The following DAB1 variants were observed in gnomAD, a reference collection of about 807,000 sequenced individuals.
DAB1 encodes the protein disabled homolog 1.
In DAB1, 15 loss-of-function variants were observed where a neutral mutation model predicts 64.6. That is an observed-to-expected ratio of 0.23 (90% CI 0.16 to 0.36). DAB1 has a LOEUF of 0.36. Among genes scored for constraint, DAB1 ranks in the 10% least tolerant of loss-of-function variants. The pLI is 1.00. For missense variants in DAB1, 596 were observed against 706.7 expected (o/e 0.84, Z 1.78); for synonymous variants, 235 against 251.9 (o/e 0.93, Z 0.64).
chr1:57,624,473 G>A (rs901963578), intron 7 of DAB1, among the ~76,000 whole-genome samples: 4 of 152,182 alleles, frequency 2.6e-5, no homozygotes, highest in Non-Finnish European at 4.4e-5. Flanking sequence ...TAAGAGCTCC[G>A]TGGATCATAG....
intron 4 of DAB1, among the ~76,000 whole-genome samples, chr1:57,079,588 A>C (rs958833763): frequency 6.6e-6 from 1 of 152,206 alleles, no homozygotes; most frequent in Non-Finnish European, 1.5e-5. Context: ...CATGGCTCTT[A>C]GGATAAAGAC....
At chr1:58,304,204 C>T (rs1389669148) in intron 4 of DAB1, among the ~76,000 whole-genome samples, 1 of 152,066 alleles carries the variant, frequency 6.6e-6, no homozygotes, top group African/African-American at 2.4e-5. Context: ...AAATGCATGC[C>T]AAATGTAGCT....
chr1:58,425,624 G>A (rs918782944), intron 3 of DAB1, among the ~76,000 whole-genome samples: 2 of 152,130 alleles, frequency 1.3e-5, no homozygotes, highest in African/African-American at 4.8e-5. Context: ...GAAGGAGCCA[G>A]GGACAGAATC....
At chr1:57,528,637 GACACACAC>G (rs372009576) in intron 7 of DAB1, among the ~76,000 whole-genome samples, 22 of 22,184 alleles carry the variant, frequency 9.9e-4, no homozygotes, top group African/African-American at 1.1e-3. Flanking sequence ...AAAGCAGCAG[GACACACAC>G]ACACACACAC....
chr1:57,809,038 C>T lies in DAB1; in HGVS notation n.551+74961G>A, dbSNP rs147573742. ...ACAGAAGCTCCTCGGAAAATATGAA[C>T]CTACAAACAGAGAAGCATTTAATAT... On this transcript the variant is annotated intron_variant and non_coding_transcript_variant, in intron 6 of 20. Transcript: ENST00000485760. Among the ~76,000 whole-genome samples, 1,265 of 152,240 alleles carry T rather than the reference C, an allele frequency of 8.3e-3. 15 individuals carry two copies. The highest frequency in any genetic ancestry group is 0.03 in the African/African-American group (1,228 of 41,548).
intron 7 of DAB1, among the ~76,000 whole-genome samples, chr1:57,581,529 T>C (rs1454517681): frequency 1.3e-5 from 2 of 151,928 alleles, no homozygotes; most frequent in Non-Finnish European, 2.9e-5. Context: ...ATACTAAACC[T>C]CTCTCGTTCT....
At chr1:57,900,940 G>C (rs1644463851) in intron 5 of DAB1, among the ~76,000 whole-genome samples, 2 of 152,116 alleles carry the variant, frequency 1.3e-5, no homozygotes, top group Non-Finnish European at 2.9e-5. Flanking sequence ...CACAGCAGGT[G>C]CTTCATAAAC....
chr1:57,486,844 T>G (rs1558426354), intron 7 of DAB1, among the ~76,000 whole-genome samples: 1 of 150,788 alleles, frequency 6.6e-6, no homozygotes, highest in African/African-American at 2.4e-5. Context: ...AACAAAAATA[T>G]AAGGCAGGCC....
chr1:57,602,947 T>TGTGAATAAATGAGGGA (rs1645591900), intron 7 of DAB1, among the ~76,000 whole-genome samples: 1 of 152,048 alleles, frequency 6.6e-6, no homozygotes, highest in Non-Finnish European at 1.5e-5. Context: ...TAGCAAATGA[T>TGTGAATAAATGAGGGA]CACCACAAAC....
At chr1:57,383,285 C>A (rs1044605754) in intron 1 of DAB1, among the ~76,000 whole-genome samples, 2 of 152,106 alleles carry the variant, frequency 1.3e-5, no homozygotes, top group African/African-American at 4.8e-5. Flanking sequence ...TTCCTTCCAA[C>A]AGCAATTTTC....
At chr1:57,853,923 T>TTAC (rs1653642685) in intron 1 of DAB1, among the ~76,000 whole-genome samples, 1 of 152,236 alleles carries the variant, frequency 6.6e-6, no homozygotes, top group South Asian at 2.1e-4. Flanking sequence ...GCATCTGTTT[T>TTAC]TACCAGAGCA....
chr1:58,128,321 CTT>C (rs1257733304), intron 5 of DAB1, among the ~76,000 whole-genome samples: 2 of 149,042 alleles, frequency 1.3e-5, no homozygotes, highest in Admixed American at 1.3e-4. Context: ...TATCCTGAGA[CTT>C]TGCTGAAGTT....
intron 1 of DAB1, among the ~76,000 whole-genome samples, chr1:57,307,788 T>G (rs1674324583): frequency 6.6e-6 from 1 of 152,006 alleles, no homozygotes; most frequent in African/African-American, 2.4e-5. Context: ...ACACCCCCTT[T>G]CCTGTATGTT....
intron 5 of DAB1, among the ~76,000 whole-genome samples, chr1:58,018,816 A>C (rs898694391): frequency 2.6e-4 from 40 of 152,344 alleles, no homozygotes; most frequent in Non-Finnish European, 8.8e-5. Flanking sequence ...ATTGTTATAA[A>C]ACTCCTATGG....
At chr1:57,835,880 A>T (rs766813930) in intron 1 of DAB1, among the ~76,000 whole-genome samples, 13 of 152,140 alleles carry the variant, frequency 8.5e-5, no homozygotes, top group Non-Finnish European at 1.8e-4. Context: ...TTAGGTCACC[A>T]ATGCCCCATG....
chr1:57,228,473 C>G (rs539794151), intron 2 of DAB1, among the ~76,000 whole-genome samples: 2 of 152,050 alleles, frequency 1.3e-5, no homozygotes, highest in Non-Finnish European at 2.9e-5. Context: ...TGAAAATAAC[C>G]TAACCTCAGA....
intron 4 of DAB1, among the ~76,000 whole-genome samples, chr1:58,152,658 C>G (rs1209479128): frequency 6.6e-6 from 1 of 152,180 alleles, no homozygotes; most frequent in Non-Finnish European, 1.5e-5. Flanking sequence ...TATACTATTT[C>G]CTTACTACAC....
intron 5 of DAB1, among the ~76,000 whole-genome samples, chr1:58,114,023 G>T (rs565337460): frequency 6.6e-6 from 1 of 150,872 alleles, no homozygotes; most frequent in Non-Finnish European, 1.5e-5. Context: ...CAGGTGGGCG[G>T]ATTACTTGAG....
At chr1:58,028,201 G>A (rs753473763) in intron 5 of DAB1, among the ~76,000 whole-genome samples, 2 of 152,120 alleles carry the variant, frequency 1.3e-5, no homozygotes, top group African/African-American at 2.4e-5. Context: ...CACAAATACC[G>A]AACCATTGCT....
Sources: allele counts gnomAD v4.1 joint callset (sites outside exome capture counted in the v4.1 genomes callset), GRCh38; gene constraint gnomAD v4.1.1; transcripts MANE v1.5; gene names NCBI Gene and HGNC (gene_info 2026-07-23, HGNC 2026-07-21).